The following MATN2 variants were observed in gnomAD, a reference collection of about 807,000 sequenced individuals.
MATN2 encodes matrilin-2.
Under a neutral mutation model 103.2 loss-of-function variants are expected in MATN2, and 69 were observed. That is an observed-to-expected ratio of 0.67 (90% CI 0.55 to 0.82). The LOEUF (loss-of-function observed/expected upper bound fraction) is 0.82. Ranked by LOEUF, MATN2 falls within the 40% of genes least tolerant of loss-of-function variation. The pLI is 0.00. For synonymous variants in MATN2, 429 were observed against 450.2 expected, an observed-to-expected ratio of 0.95 and a Z score of 0.60; for missense variants, 1,023 against 1,211.5, an observed-to-expected ratio of 0.84 and a Z score of 2.31.
chr8:98,027,658 G>C lies in MATN2; in HGVS notation c.2185G>C (p.Gly729Arg). The C allele has an allele frequency of 6.2e-7, 1 of 1,613,916 alleles. No homozygotes were observed. Among genetic ancestry groups the C allele is most frequent in the Non-Finnish European group, 8.5e-7 (1 of 1,179,864 alleles). The stretch of plus-strand genomic sequence containing the variant: ...AGCCGTGGCCCACATGAAATACATG[G>C]GAAAGGGCTCTATGACTGGGCTGGC... ...KKAVAHMKYM[G>R]KGSMTGLALK... The change falls in exon 14 of 19, where the codon GGA becomes CGA. Residue 729 changes from glycine (G) to arginine (R), a missense_variant. Physicochemically the swap from Gly to Arg is moderately radical, Grantham distance 125 (BLOSUM62 -2). Coordinates refer to ENST00000254898, the MANE Select transcript of MATN2 (RefSeq NM_002380.5).
intron 5 of MATN2, among the ~76,000 whole-genome samples, chr8:97,972,412 G>A (rs1210132197): frequency 6.6e-6 from 1 of 152,014 alleles, no homozygotes; most frequent in African/African-American, 2.4e-5. Flanking sequence ...TGGAATTCCA[G>A]TTATGCCTTG....
intron 1 of MATN2, among the ~76,000 whole-genome samples, chr8:97,886,356 A>G (rs181664354): frequency 2.0e-5 from 3 of 152,332 alleles, no homozygotes; most frequent in African/African-American, 7.2e-5. Context: ...GTCTGTGGAA[A>G]AATTGTCTTC....
chr8:98,013,269 A>G (rs141744932), intron 10 of MATN2, among the ~76,000 whole-genome samples: 1 of 152,328 alleles, frequency 6.6e-6, no homozygotes, highest in East Asian at 1.9e-4. Flanking sequence ...GGCCCAGAAC[A>G]TCCCTGAAGG....
chr8:97,993,025 A>G (rs1348996538), intron 6 of MATN2, among the ~76,000 whole-genome samples: 2 of 152,062 alleles, frequency 1.3e-5, no homozygotes, highest in African/African-American at 4.8e-5. Flanking sequence ...GAGTGGGGAC[A>G]TAGCTGAAAG....
At chr8:97,970,598 G>A (rs2130286099) in intron 5 of MATN2, among the ~76,000 whole-genome samples, 1 of 152,308 alleles carries the variant, frequency 6.6e-6, no homozygotes, top group South Asian at 2.1e-4. Flanking sequence ...TCAGTCAGGT[G>A]CCATAGCCAA....
intron 2 of MATN2, among the ~76,000 whole-genome samples, chr8:97,903,197 G>A (rs1347578011): frequency 6.6e-6 from 1 of 152,130 alleles, no homozygotes; most frequent in African/African-American, 2.4e-5. Context: ...GCTCTGAGGG[G>A]TGCAGGTGGT....
intron 4 of MATN2, among the ~76,000 whole-genome samples, chr8:97,959,978 C>T (rs1811252829): frequency 6.6e-6 from 1 of 152,102 alleles, no homozygotes; most frequent in Non-Finnish European, 1.5e-5. Flanking sequence ...TTGAGACAGT[C>T]TTGTTCTGTC....
chr8:97,885,014 C>T (rs1818379120), intron 1 of MATN2, among the ~76,000 whole-genome samples: 1 of 152,184 alleles, frequency 6.6e-6, no homozygotes, highest in Admixed American at 6.5e-5. Flanking sequence ...TTTTTAACTC[C>T]TCACTCTTCA....
At chr8:98,013,919 G>A (rs1157605561) in intron 10 of MATN2, among the ~76,000 whole-genome samples, 1 of 152,038 alleles carries the variant, frequency 6.6e-6, no homozygotes, top group Admixed American at 6.6e-5. Context: ...GACCAGCCTG[G>A]GCAACATAGT....
chr8:98,007,680 G>T lies in MATN2; in HGVS notation c.1573+79G>T. The T allele has an allele frequency of 6.6e-7, 1 of 1,506,504 alleles. No homozygotes were observed. The allele number at this position is 1,506,504 out of a possible 1,614,324, so 93.3% of individuals were successfully genotyped here. ...GTGGGTGCGCTGCCGACGTGTATAT[G>T]TGCCTGTGTGTCCTGTCTCCAGGCT... On this transcript the variant is annotated intron_variant, in intron 10 of 18. Coordinates refer to ENST00000254898, the MANE Select transcript of MATN2 (RefSeq NM_002380.5). The surrounding 1 kb of genome is among the most constrained non-coding windows in gnomAD (Gnocchi z 4.2).
At position 97,937,985 on chromosome 8, in the gene MATN2, G is replaced by A. The variant is rs535329605; in HGVS notation, c.713-3792G>A. On this transcript the variant is annotated intron_variant, in intron 3 of 18. Transcript: ENST00000254898. ...CTGAGCCTTCAGGTGGTCTATTTCC[G>A]GTAGCCATCCTCTCCCCACGATGCT... 1.1e-4 allele frequency among the ~76,000 whole-genome samples: 16 copies of A among 152,174 alleles called. No homozygotes were observed. The South Asian group carries it at 2.3e-3, about 22-fold the overall frequency.
At chr8:97,904,594 A>T (rs1819098994) in intron 2 of MATN2, among the ~76,000 whole-genome samples, 1 of 152,148 alleles carries the variant, frequency 6.6e-6, no homozygotes, top group Non-Finnish European at 1.5e-5. Context: ...ATATGTGAAA[A>T]AGCCGTACAG....
intron 1 of MATN2, among the ~76,000 whole-genome samples, chr8:97,874,762 G>A (rs1352156891): frequency 6.6e-6 from 1 of 150,532 alleles, no homozygotes; most frequent in Non-Finnish European, 1.5e-5. Flanking sequence ...CTGTTGCCCA[G>A]GCTGGAGTGC....
At chr8:97,909,786 CTTT>C (rs763916849) in intron 2 of MATN2, among the ~76,000 whole-genome samples, 1 of 143,666 alleles carries the variant, frequency 7.0e-6, no homozygotes, top group African/African-American at 2.5e-5. Context: ...CATGATTTCA[CTTT>C]TTTTTTTTTT....
intron 1 of MATN2, among the ~76,000 whole-genome samples, chr8:97,880,409 A>G (rs1818215555): frequency 6.6e-6 from 1 of 152,176 alleles, no homozygotes; most frequent in Admixed American, 6.5e-5. Context: ...TTCTGTGGCT[A>G]GTGAGCCTTA....
chr8:97,973,034 A>G (rs1401819095), intron 5 of MATN2, among the ~76,000 whole-genome samples: 2 of 152,136 alleles, frequency 1.3e-5, no homozygotes, highest in African/African-American at 4.8e-5. Flanking sequence ...AACAACCCAA[A>G]CCACTTGGCA....
chr8:97,962,695 T>A (rs1002856476), intron 5 of MATN2, among the ~76,000 whole-genome samples: 3 of 152,168 alleles, frequency 2.0e-5, no homozygotes, highest in Admixed American at 6.5e-5. Flanking sequence ...GAAGCCAACA[T>A]ATATACCCAT....
At chr8:97,882,955 A>G (rs925784477) in intron 1 of MATN2, among the ~76,000 whole-genome samples, 1 of 152,090 alleles carries the variant, frequency 6.6e-6, no homozygotes, top group East Asian at 1.9e-4. Flanking sequence ...TGACTATTCA[A>G]ATCTTTTGCA....
intron 4 of MATN2, among the ~76,000 whole-genome samples, chr8:97,952,861 A>G (rs1811003958): frequency 6.6e-6 from 1 of 151,348 alleles, no homozygotes; most frequent in South Asian, 2.1e-4. Context: ...CAAAAACCAA[A>G]CTTGGCCAGA....
Sources: allele counts gnomAD v4.1 joint callset (sites outside exome capture counted in the v4.1 genomes callset), GRCh38; gene constraint gnomAD v4.1.1; non-coding constraint Gnocchi (gnomAD v3.1); transcripts MANE v1.5; gene names NCBI Gene and HGNC (gene_info 2026-07-23, HGNC 2026-07-21).